The following UPP1 variants were observed in gnomAD, a reference collection of about 807,000 sequenced individuals.
The protein encoded by UPP1 is uridine phosphorylase 1.
Under a neutral mutation model 29.6 loss-of-function variants are expected in UPP1, and 25 were observed. The ratio of observed to expected loss-of-function variants is 0.85; its 90% CI spans 0.62 to 1.18. The LOEUF (loss-of-function observed/expected upper bound fraction) is 1.18. Among genes scored for constraint, UPP1 ranks in the 50% most tolerant of loss-of-function variants. The pLI is 0.00. For synonymous variants in UPP1, 165 were observed against 159.8 expected, an observed-to-expected ratio of 1.03 and a Z score of -0.25; for missense variants, 368 against 410.4, an observed-to-expected ratio of 0.90 and a Z score of 0.89.
intron 2 of UPP1, among the ~76,000 whole-genome samples, chr7:48,092,956 G>A (rs1387157446): frequency 2.6e-5 from 4 of 151,968 alleles, no homozygotes; most frequent in East Asian, 1.9e-4. Flanking sequence ...TGGCCTCCTC[G>A]GCCTCCCAAA....
chr7:48,098,891 T>G (rs1206505530), intron 3 of UPP1, among the ~76,000 whole-genome samples: 2 of 152,228 alleles, frequency 1.3e-5, no homozygotes, highest in Non-Finnish European at 2.9e-5. Flanking sequence ...GGGACTCATC[T>G]AGACCTGGGG....
rs1252987987 is a variant in UPP1, at chr7:48,106,955, G to GA, written c.521dup (p.Arg175AlafsTer9). ...CAGAGTTTGAGCAGATTGTCCTGGG[G>GA]AAGCGGGTCATCCGGAAAACGGACC... On this transcript the variant is annotated frameshift_variant, in exon 7 of 9. Transcript: ENST00000395564. LOFTEE classifies it high-confidence loss of function. The GA allele has an allele frequency of 8.7e-6, 14 of 1,613,388 alleles. No homozygotes were observed. The highest frequency in any genetic ancestry group is 1.3e-5 in the African/African-American group (1 of 74,930).
At chr7:48,104,815 G>C (rs1259367904) in intron 6 of UPP1, 1 of 152,206 alleles carries the variant, frequency 6.6e-6, no homozygotes, top group Non-Finnish European at 1.5e-5. Context: ...TAGCATGCTG[G>C]CCTCTGCCAG....
At chr7:48,103,639 T>C in intron 6 of UPP1, 1 of 908,112 alleles carries the variant, frequency 1.1e-6, no homozygotes, top group Non-Finnish European at 1.6e-6. Flanking sequence ...CACCACACCA[T>C]GCATATGGGG....
At chr7:48,103,760 TTCC>T (rs1169080178) in intron 6 of UPP1, 4 of 1,293,148 alleles carry the variant, frequency 3.1e-6, no homozygotes, top group Non-Finnish European at 4.0e-6. Context: ...TTGCTTACTT[TTCC>T]TCCTCCCTAA....
At chr7:48,101,692 C>A in intron 4 of UPP1, 132 bp from the exon 5 acceptor site, 1 of 1,036,416 alleles carries the variant, frequency 9.6e-7, no homozygotes, top group Non-Finnish European at 1.4e-6. Flanking sequence ...TTCAGCAGGT[C>A]CTGGTGAGGC....
At chr7:48,104,200 G>C (rs1792600432) in intron 6 of UPP1, among the ~76,000 whole-genome samples, 1 of 152,084 alleles carries the variant, frequency 6.6e-6, no homozygotes, top group African/African-American at 2.4e-5. Context: ...CCTGGCAACA[G>C]AGCGAGACTC....
chr7:48,099,765 C>T lies in UPP1; in HGVS notation c.140C>T (p.Pro47Leu). 1.2e-6 allele frequency: 2 copies of T among 1,612,618 alleles called. No individual in the cohort carries two copies. Among genetic ancestry groups the T allele is most frequent in the Non-Finnish European group, 8.5e-7 (1 of 1,178,644 alleles). The change falls in exon 4 of 9, where the codon CCA (proline) becomes CTA (leucine). Residue 47 changes from proline to leucine, a missense_variant. Coordinates refer to ENST00000395564, the MANE Select transcript of UPP1 (RefSeq NM_003364.4). ...FNLTTSRHNFPALFGDVKFVC... is the reference protein window; with the variant it reads ...FNLTTSRHNFLALFGDVKFVC... The stretch of plus-strand genomic sequence containing the variant: ...CTCACCACTAGCAGACACAATTTCC[C>T]AGCCTTGTTTGGAGATGTGAAGGTA...
chr7:48,096,099 G>A (rs1792116453), intron 3 of UPP1, among the ~76,000 whole-genome samples: 1 of 152,196 alleles, frequency 6.6e-6, no homozygotes, highest in African/African-American at 2.4e-5. Flanking sequence ...GGTGGGGGTG[G>A]AGGGGAGTGG....
chr7:48,094,258 T>G (rs1763932687), intron 2 of UPP1, among the ~76,000 whole-genome samples: 1 of 151,880 alleles, frequency 6.6e-6, no homozygotes, highest in Admixed American at 6.6e-5. Context: ...TTTGTTTTGT[T>G]TTGTTTTGTT....
chr7:48,092,639 G>A (rs890230677), intron 2 of UPP1, among the ~76,000 whole-genome samples: 13 of 152,094 alleles, frequency 8.5e-5, no homozygotes, highest in South Asian at 6.2e-4. Flanking sequence ...AATTTGAGGC[G>A]GCAGTGAGCT....
chr7:48,108,540 T>C lies in UPP1; in HGVS notation c.*183T>C, dbSNP rs948650802. ...AGATGTTCTTCCTTTTGAAGTTTCATTGGAGCATTTTCAATGATGTTAGCC... is the reference window on the plus strand; with the variant it reads ...AGATGTTCTTCCTTTTGAAGTTTCACTGGAGCATTTTCAATGATGTTAGCC... On this transcript the variant is annotated 3_prime_UTR_variant, in exon 9 of 9. Transcript: ENST00000395564. 21 of 661,622 alleles carry C rather than the reference T, an allele frequency of 3.2e-5. No homozygotes were observed. The highest frequency in any genetic ancestry group is 3.0e-4 in the African/African-American group (16 of 54,218). The allele number at this position is 661,622 out of a possible 1,614,324, so 41.0% of individuals were successfully genotyped here.
chr7:48,098,840 C>T (rs1392568282), intron 3 of UPP1, among the ~76,000 whole-genome samples: 1 of 152,184 alleles, frequency 6.6e-6, no homozygotes, highest in Non-Finnish European at 1.5e-5. Flanking sequence ...GTTGAAGGAG[C>T]TACGTTTGAG....
At chr7:48,100,027 G>A (rs990571166) in intron 4 of UPP1, among the ~76,000 whole-genome samples, 1 of 152,218 alleles carries the variant, frequency 6.6e-6, no homozygotes, top group Non-Finnish European at 1.5e-5. Flanking sequence ...GTGCAGTCAT[G>A]CATTGTTTAA....
intron 3 of UPP1, among the ~76,000 whole-genome samples, chr7:48,095,560 A>T (rs1477309219): frequency 6.6e-6 from 1 of 151,934 alleles, no homozygotes; most frequent in African/African-American, 2.4e-5. Context: ...ATAATTCCAT[A>T]TGGACAATGC....
At chr7:48,103,947 C>T (rs1015207062) in intron 6 of UPP1, 30 of 1,251,654 alleles carry the variant, frequency 2.4e-5, no homozygotes, top group Middle Eastern at 5.8e-4. Context: ...TGGCCGGGCG[C>T]GGTGGCTCAC....
intron 6 of UPP1, chr7:48,105,278 C>CCTCTAG (rs1255862918): frequency 2.6e-5 from 4 of 152,322 alleles, no homozygotes; most frequent in African/African-American, 9.6e-5. Flanking sequence ...GCCAAGCTCT[C>CCTCTAG]CTCTAGCTCC....
rs901712459 is a variant in UPP1 at position 48,107,254 on chromosome 7, T to G, written c.647-107T>G. The G allele has an allele frequency of 2.8e-6, 4 of 1,451,618 alleles. No individual in the cohort carries two copies. The Admixed American group carries it at 7.6e-5, about 27-fold the overall frequency. 89.9% of individuals were successfully genotyped at this position (1,451,618 alleles called of 1,614,324 possible). On this transcript the variant is annotated intron_variant, in intron 7 of 8. Transcript: ENST00000395564. ...TTGAGTGGTCATTATAGGCAGGACC[T>G]GGATGGGTCTTGCTTGTCCCTGTGT...
At chr7:48,095,890 A>G (rs970519639) in intron 3 of UPP1, among the ~76,000 whole-genome samples, 8 of 151,140 alleles carry the variant, frequency 5.3e-5, no homozygotes, top group African/African-American at 1.5e-4. Flanking sequence ...CAAGTGATCC[A>G]CCCGCCTCAG....
Sources: gnomAD v4.1 joint callset for allele counts (sites outside exome capture counted in the v4.1 genomes callset) on GRCh38, gnomAD v4.1.1 for gene constraint, MANE v1.5 for transcripts, NCBI Gene and HGNC (gene_info 2026-07-23, HGNC 2026-07-21) for gene names.